The following CASTOR2 variants were observed in gnomAD, a reference collection of about 807,000 sequenced individuals.
The protein encoded by CASTOR2 is cytosolic arginine sensor for mTORC1 subunit 2.
Under a neutral mutation model 31.2 loss-of-function variants are expected in CASTOR2, and 8 were observed. The ratio of observed to expected loss-of-function variants is 0.26; its 90% confidence interval spans 0.15 to 0.46. The LOEUF is 0.46. Among genes scored for constraint, CASTOR2 ranks in the 20% least tolerant of loss-of-function variants. The pLI, the probability that CASTOR2 is intolerant of heterozygous loss-of-function variation, is 0.99. For missense variants in CASTOR2, 216 were observed against 382.1 expected (o/e 0.57, Z 3.62); for synonymous variants, 162 against 158.7 (o/e 1.02, Z -0.16).
chr7:75,019,910 GAGA>G (rs1438140284), intron 5 of CASTOR2, 126 bp from the exon 6 acceptor site: 20 of 760,316 alleles, frequency 2.6e-5, no homozygotes, highest in Non-Finnish European at 3.9e-5. Flanking sequence ...CGAGCAGGAT[GAGA>G]AGGACACTGG....
intron 2 of CASTOR2, among the ~76,000 whole-genome samples, 154 bp downstream of exon 2, chr7:75,008,218 C>T (rs1467620032): frequency 1.3e-5 from 2 of 151,926 alleles, no homozygotes; most frequent in East Asian, 1.9e-4. Flanking sequence ...GCTGGAAAAA[C>T]AGCAGAGTGT....
intron 1 of CASTOR2, among the ~76,000 whole-genome samples, chr7:74,987,631 C>T (rs1407216901): frequency 2.0e-5 from 3 of 152,186 alleles, no homozygotes; most frequent in East Asian, 1.9e-4. Flanking sequence ...TCATCACCCC[C>T]GTGGGGAGTC....
At chr7:74,973,684 C>T (rs587739793) in intron 1 of CASTOR2, among the ~76,000 whole-genome samples, 10 of 11,752 alleles carry the variant, frequency 8.5e-4, no homozygotes, top group African/African-American at 3.5e-3. Flanking sequence ...CACACATAAT[C>T]GCATCCTGAT....
chr7:75,000,716 G>A (rs1399903783), intron 1 of CASTOR2, among the ~76,000 whole-genome samples: 2 of 152,088 alleles, frequency 1.3e-5, no homozygotes, highest in Admixed American at 1.3e-4. Flanking sequence ...GGAGTGCAGT[G>A]GCACAATCTC....
chr7:74,995,727 G>A (rs1489883647), intron 1 of CASTOR2, among the ~76,000 whole-genome samples: 1 of 151,724 alleles, frequency 6.6e-6, no homozygotes, highest in Admixed American at 6.6e-5. Flanking sequence ...AGAATGGCAT[G>A]AACCTGGGAG....
In CASTOR2 at chr7:75,027,277, G is replaced by A. The variant is rs878930732; in HGVS notation, c.*2578G>A. 13,639 of 152,542 alleles carry A rather than the reference G, an allele frequency of 0.089. 774 individuals are homozygous for A. The highest frequency in any genetic ancestry group is 0.26 in the Middle Eastern group (77 of 294). 9.4% of individuals were successfully genotyped at this position (152,542 alleles called of 1,614,324 possible). A position where few individuals can be genotyped will look rare whatever the true frequency, so the allele number is the denominator to read the frequency against. The stretch of plus-strand genomic sequence containing the variant: ...GGGTGCTGAGAGCCCGCTGTGGCGT[G>A]GGTCATGCCTTCTGCACCCCACTTT... On this transcript the variant is annotated 3_prime_UTR_variant, in exon 9 of 9. Transcript: ENST00000616305.
Position 75,004,746 on chromosome 7 carries a change from C to T in CASTOR2, c.114-3248C>T, listed in dbSNP as rs1278896603. On this transcript the variant is annotated intron_variant, in intron 1 of 8. Coordinates refer to ENST00000616305, the MANE Select transcript of CASTOR2 (RefSeq NM_001145064.3). ...ACAGGCATGAGCCACCGCAGCAGGC[C>T]AAGCATTTTCTTTACATTCAAGTTT... Among the ~76,000 whole-genome samples the T allele has an allele frequency of 2.6e-5, 4 of 152,150 alleles. No homozygotes were observed. The East Asian group carries it at 7.7e-4, about 29-fold the overall frequency.
intron 7 of CASTOR2, among the ~76,000 whole-genome samples, chr7:75,023,460 T>G (rs965129890): frequency 7.4e-6 from 1 of 135,492 alleles, no homozygotes. Flanking sequence ...AGCATTTTTT[T>G]TTTCTTTTTG....
intron 1 of CASTOR2, among the ~76,000 whole-genome samples, chr7:74,982,517 T>C (rs1246861456): frequency 6.9e-6 from 1 of 144,302 alleles, no homozygotes; most frequent in Non-Finnish European, 1.5e-5. Flanking sequence ...GGCTGTTTCG[T>C]CCACTAGAGC....
chr7:75,011,264 A>C (rs1230461729), intron 2 of CASTOR2, among the ~76,000 whole-genome samples: 1 of 151,874 alleles, frequency 6.6e-6, no homozygotes, highest in Non-Finnish European at 1.5e-5. Flanking sequence ...CCCCGTCTCT[A>C]CTAAAAATAC....
intron 6 of CASTOR2, 86 bp from the exon 7 acceptor site, chr7:75,021,787 GC>G (rs1225721281): frequency 2.3e-5 from 34 of 1,504,320 alleles, no homozygotes; most frequent in Non-Finnish European, 3.6e-6. Context: ...CCAGCCCCAT[GC>G]CTCGCTCTGG....
intron 1 of CASTOR2, among the ~76,000 whole-genome samples, chr7:75,004,263 A>G (rs1266680808): frequency 2.0e-5 from 3 of 152,156 alleles, no homozygotes; most frequent in African/African-American, 7.2e-5. Flanking sequence ...GTTGTCCTCA[A>G]AGCAATTATA....
At position 75,028,219 on chromosome 7, in the gene CASTOR2, C is replaced by T; in HGVS notation, c.*3520C>T. The T allele has an allele frequency of 1.3e-6, 1 of 779,100 alleles. No homozygotes were observed. The highest frequency in any genetic ancestry group is 3.0e-5 in the Admixed American group (1 of 33,354). The allele number at this position is 779,100 out of a possible 1,614,324, so 48.3% of individuals were successfully genotyped here. A position where few individuals can be genotyped will look rare whatever the true frequency, so the allele number is the denominator to read the frequency against. On this transcript the variant is annotated 3_prime_UTR_variant, in exon 9 of 9. Transcript: ENST00000616305. ...TGCAGCAACCTCCACTTCCTGGGTT[C>T]AAGCGAGTCTCCTACATTGGCCTCC...
At chr7:75,013,564 G>A (rs1279444533) in intron 2 of CASTOR2, among the ~76,000 whole-genome samples, 2 of 152,124 alleles carry the variant, frequency 1.3e-5, no homozygotes, top group Non-Finnish European at 2.9e-5. Flanking sequence ...GATCACTTGA[G>A]CCTGGGAGGT....
rs1396050045 is a variant in CASTOR2 at position 75,019,941 on chromosome 7, G to T, written c.636-98G>T. The T allele has an allele frequency of 1.2e-5, 13 of 1,066,874 alleles. No individual in the cohort carries two copies. The African/African-American group carries it at 2.1e-4, about 17-fold the overall frequency. 66.1% of individuals were successfully genotyped at this position (1,066,874 alleles called of 1,614,324 possible). On this transcript the variant is annotated intron_variant, in intron 5 of 8. Transcript: ENST00000616305. Reference sequence around the variant, plus strand: ...GACACTGGCCCAGGGTCACCCAGGTGGCATCAAAGCCTGGGCAGGGCCCAG... The same window carrying T: ...GACACTGGCCCAGGGTCACCCAGGTTGCATCAAAGCCTGGGCAGGGCCCAG...
intron 1 of CASTOR2, among the ~76,000 whole-genome samples, chr7:75,002,599 C>T (rs1804521478): frequency 6.6e-6 from 1 of 152,034 alleles, no homozygotes; most frequent in Non-Finnish European, 1.5e-5. Context: ...CCAGCCTGGG[C>T]AACAAGAGCA....
intron 1 of CASTOR2, among the ~76,000 whole-genome samples, chr7:74,985,214 G>C (rs1804034309): frequency 6.6e-6 from 1 of 152,060 alleles, no homozygotes; most frequent in South Asian, 2.1e-4. Flanking sequence ...AAATATGGGA[G>C]GTCTAGCCCC....
At chr7:75,000,689 G>A (rs1311275968) in intron 1 of CASTOR2, among the ~76,000 whole-genome samples, 1 of 151,950 alleles carries the variant, frequency 6.6e-6, no homozygotes. Context: ...ATGGAGTCTC[G>A]CTCTGTCACC....
chr7:75,028,085 G>C lies in CASTOR2; in HGVS notation c.*3386G>C, dbSNP rs914209904. 1.6e-5 allele frequency: 25 copies of C among 1,530,934 alleles called. No homozygotes were observed. The highest frequency in any genetic ancestry group is 2.0e-4 in the Middle Eastern group (1 of 5,024). The allele number at this position is 1,530,934 out of a possible 1,614,324, so 94.8% of individuals were successfully genotyped here. ...CTGGCGGATGGGGCAGGTGCCTGGCGGGGGAGGAAGAGGGCTCTCTATGAT... is the reference window on the plus strand; with the variant it reads ...CTGGCGGATGGGGCAGGTGCCTGGCCGGGGAGGAAGAGGGCTCTCTATGAT... On this transcript the variant is annotated 3_prime_UTR_variant, in exon 9 of 9. Transcript: ENST00000616305.
Sources: allele counts gnomAD v4.1 joint callset (sites outside exome capture counted in the v4.1 genomes callset), GRCh38; gene constraint gnomAD v4.1.1; transcripts MANE v1.5; gene names NCBI Gene and HGNC (gene_info 2026-07-23, HGNC 2026-07-21).